The following QSOX2 variants were observed in gnomAD, a reference collection of about 807,000 sequenced individuals.
QSOX2 encodes the protein quiescin sulfhydryl oxidase 2.
A neutral mutation model predicts 61.7 loss-of-function variants in QSOX2; 46 were observed. The ratio of observed to expected loss-of-function variants is 0.75; its 90% CI spans 0.59 to 0.95. The LOEUF (loss-of-function observed/expected upper bound fraction) is 0.95, where lower values mean the gene tolerates loss of function less well. Among genes scored for constraint, QSOX2 ranks in the 40% least tolerant of loss-of-function variants. The pLI, the probability that QSOX2 is intolerant of heterozygous loss-of-function variation, is 0.00. For missense variants in QSOX2, 879 were observed against 918.9 expected (o/e 0.96, Z 0.56); for synonymous variants, 383 against 388.4 (o/e 0.99, Z 0.16).
intron 11 of QSOX2, chr9:136,210,035 G>C (rs1223604010): frequency 2.0e-6 from 2 of 985,310 alleles, no homozygotes; most frequent in Non-Finnish European, 2.4e-6. Context: ...TTGTCTGGGG[G>C]ACTTGAGACG....
chr9:136,222,361 C>T lies in QSOX2; in HGVS notation c.676-420G>A, dbSNP rs1316927005. ...TCGTGCTGCCGCTCCTCCCCAGCCACCCTGCTCCTGTCTGGTTCTGCTCAG... is the reference window on the plus strand; with the variant it reads ...TCGTGCTGCCGCTCCTCCCCAGCCATCCTGCTCCTGTCTGGTTCTGCTCAG... On this transcript the variant is annotated intron_variant, in intron 5 of 11. Coordinates refer to ENST00000358701, the MANE Select transcript of QSOX2 (RefSeq NM_181701.4). The surrounding 1 kb of genome is among the most constrained non-coding windows in gnomAD (Gnocchi z 6.9). Among the ~76,000 whole-genome samples the T allele has an allele frequency of 6.6e-6, 1 of 152,184 alleles. No homozygotes were observed. The highest frequency in any genetic ancestry group is 2.1e-4 in the South Asian group (1 of 4,838).
rs1416752546 is a variant in QSOX2, at chr9:136,224,226, A to G, written c.479-114T>C. Reference sequence around the variant, plus strand: ...CTGGGGCCCAAAGACAGCAGGGTGCAGGTGGCAGCAACATGTGCAATCCCA... The same window carrying G: ...CTGGGGCCCAAAGACAGCAGGGTGCGGGTGGCAGCAACATGTGCAATCCCA... On this transcript the variant is annotated intron_variant, in intron 3 of 11. Coordinates refer to ENST00000358701, the MANE Select transcript of QSOX2 (RefSeq NM_181701.4). 5.3e-6 allele frequency: 4 copies of G among 755,554 alleles called. No individual in the cohort carries two copies. The African/African-American group carries it at 6.9e-5, about 13-fold the overall frequency. The allele number at this position is 755,554 out of a possible 1,614,324, so 46.8% of individuals were successfully genotyped here. A position where few individuals can be genotyped will look rare whatever the true frequency, so the allele number is the denominator to read the frequency against.
intron 1 of QSOX2, 24 bp downstream of exon 1, chr9:136,245,451 GT>G: frequency 6.4e-7 from 1 of 1,568,818 alleles, no homozygotes; most frequent in Non-Finnish European, 8.6e-7. Flanking sequence ...GGGTCGGGGG[GT>G]CCCCGCGCGG....
In QSOX2 at chr9:136,209,032, T is replaced by C; in HGVS notation, c.1793A>G (p.Glu598Gly). The C allele has an allele frequency of 1.2e-6, 2 of 1,614,042 alleles. No homozygotes were observed. ...EEEEKRLTPP[E>G]VSHGDRDTQS... is the part of the protein sequence containing the mutation. ...GGTGTCTCGGTCTCCATGGGACACC[T>C]CTGGGGGAGTGAGTCTTTTCTCCTC... Residue 598 changes from glutamate to glycine, a missense_variant, in exon 12 of 12, where the codon GAG becomes GGG. Physicochemically the swap from Glu to Gly is moderately conservative, Grantham distance 98. Transcript: ENST00000358701. This position sits in a 1 kb window ranked among gnomAD's most constrained non-coding sequence, Gnocchi z 5.6.
rs560355009 is a variant in QSOX2, at chr9:136,222,689, C to CCTGCA, written c.676-753_676-749dup. Among the ~76,000 whole-genome samples the CCTGCA allele has an allele frequency of 4.7e-4, 71 of 152,296 alleles. 1 individual carries two copies. In the East Asian group the frequency reaches 0.011, roughly 23 times the overall value. Reference sequence around the variant, plus strand: ...TGACTCTGTGCTGAAGAGCACTCCTCCTGCACGAGTGGAGCCTGGCTGCCC... The same window carrying CCTGCA: ...TGACTCTGTGCTGAAGAGCACTCCTCCTGCACTGCACGAGTGGAGCCTGGCTGCCC... On this transcript the variant is annotated intron_variant, in intron 5 of 11. Transcript: ENST00000358701. This position sits in a 1 kb window ranked among gnomAD's most constrained non-coding sequence, Gnocchi z 6.9.
intron 1 of QSOX2, among the ~76,000 whole-genome samples, chr9:136,231,781 T>C (rs2131064035): frequency 6.6e-6 from 1 of 152,300 alleles, no homozygotes; most frequent in South Asian, 2.1e-4. Context: ...GGCTGTGGTG[T>C]GAATGTCACC....
intron 1 of QSOX2, among the ~76,000 whole-genome samples, chr9:136,233,206 T>C (rs778485237): frequency 6.6e-6 from 1 of 152,156 alleles, no homozygotes; most frequent in Non-Finnish European, 1.5e-5. Context: ...AGTCTTCTGG[T>C]TGCACGAGAA....
intron 1 of QSOX2, among the ~76,000 whole-genome samples, chr9:136,231,654 G>C (rs1830331222): frequency 6.6e-6 from 1 of 152,218 alleles, no homozygotes; most frequent in Non-Finnish European, 1.5e-5. Context: ...GCCCCTCACA[G>C]CCCCACACTG....
chr9:136,214,196 G>A (rs756516658), intron 10 of QSOX2, among the ~76,000 whole-genome samples: 5 of 152,214 alleles, frequency 3.3e-5, no homozygotes, highest in Non-Finnish European at 5.9e-5. Flanking sequence ...ATACTTTAGT[G>A]TTCTGTGAAG....
At position 136,221,822 on chromosome 9, in the gene QSOX2, T is replaced by C. The variant is rs778412871; in HGVS notation, c.795A>G (p.Pro265=). ...CGTTAATCAATCCATGCGACCCATTTGGGTAGATCAGGTAACACGAAGGGA... is the reference window on the plus strand; with the variant it reads ...CGTTAATCAATCCATGCGACCCATTCGGGTAGATCAGGTAACACGAAGGGA... ...SSVPSCYLIY[P]NGSHGLINVV... Residue 265 remains proline (P), a synonymous_variant, in exon 6 of 12, where the codon CCA becomes CCG. Coordinates refer to ENST00000358701, the MANE Select transcript of QSOX2 (RefSeq NM_181701.4). The surrounding 1 kb of genome is among the most constrained non-coding windows in gnomAD (Gnocchi z 4.5). The C allele has an allele frequency of 1.2e-6, 2 of 1,611,276 alleles. No homozygotes were observed. Among genetic ancestry groups the C allele is most frequent in the Admixed American group, 3.4e-5 (2 of 59,560 alleles).
At chr9:136,220,018 T>A (rs1264347758) in intron 6 of QSOX2, among the ~76,000 whole-genome samples, 1 of 152,174 alleles carries the variant, frequency 6.6e-6, no homozygotes, top group Non-Finnish European at 1.5e-5. Flanking sequence ...TCCAGCTTTA[T>A]CTTTTGTATT....
intron 10 of QSOX2, 36 bp downstream of exon 10, chr9:136,215,118 C>T: frequency 7.5e-6 from 12 of 1,600,284 alleles, no homozygotes; most frequent in Non-Finnish European, 1.0e-5. Context: ...GTTAGGCAGA[C>T]CATCGGCCCC....
intron 11 of QSOX2, among the ~76,000 whole-genome samples, 154 bp downstream of exon 11, chr9:136,211,110 C>G (rs968941465): frequency 6.6e-6 from 1 of 152,222 alleles, no homozygotes; most frequent in Non-Finnish European, 1.5e-5. Flanking sequence ...TGGCAGCTCT[C>G]AGCCACCCAA....
chr9:136,230,020 C>A (rs1017572825), intron 1 of QSOX2, among the ~76,000 whole-genome samples: 7 of 152,230 alleles, frequency 4.6e-5, no homozygotes, highest in Non-Finnish European at 8.8e-5. Context: ...GTGGCTCACG[C>A]CTGTAATCCT....
chr9:136,245,670 A>ACCG lies in QSOX2; in HGVS notation c.131_133dup (p.Ala44dup), dbSNP rs1232424403. On this transcript the variant is annotated inframe_insertion, in exon 1 of 12. Transcript: ENST00000358701. ...CGCCGCACCGCCCGCGCCCGGCCCC[A>ACCG]CCGCCGCCGCCGCTAGCAGCACTAG... The ACCG allele has an allele frequency of 1.1e-5, 13 of 1,210,906 alleles. No homozygotes were observed. The highest frequency in any genetic ancestry group is 6.3e-4 in the Middle Eastern group (2 of 3,154). 75.0% of individuals were successfully genotyped at this position (1,210,906 alleles called of 1,614,324 possible).
chr9:136,224,927 G>A lies in QSOX2; in HGVS notation c.430-18C>T, dbSNP rs1440756312. The A allele has an allele frequency of 1.9e-6, 3 of 1,594,460 alleles. No homozygotes were observed. In the Admixed American group the frequency reaches 5.2e-5, roughly 28 times the overall value. ...TTAAAATACTAAGAGGAAAAACACA[G>A]AACAAGTAAGAGGCAGCCTTCCATG... On this transcript the variant is annotated intron_variant, in intron 2 of 11. Transcript: ENST00000358701.
chr9:136,224,639 A>T (rs1254024226), intron 3 of QSOX2, among the ~76,000 whole-genome samples: 1 of 152,222 alleles, frequency 6.6e-6, no homozygotes, highest in Non-Finnish European at 1.5e-5. Context: ...TTACTCTGAA[A>T]AAGTTTTTAC....
intron 3 of QSOX2, among the ~76,000 whole-genome samples, chr9:136,224,361 A>T (rs1238418297): frequency 6.6e-6 from 1 of 152,204 alleles, no homozygotes; most frequent in Non-Finnish European, 1.5e-5. Context: ...GGGACAGGCA[A>T]CAGAGGCAGA....
At chr9:136,242,784 C>T (rs1012593269) in intron 1 of QSOX2, among the ~76,000 whole-genome samples, 2 of 152,250 alleles carry the variant, frequency 1.3e-5, no homozygotes, top group African/African-American at 4.8e-5. Flanking sequence ...AGCCTTAGAA[C>T]AGCTCCGGGG....
Sources: allele counts gnomAD v4.1 joint callset (sites outside exome capture counted in the v4.1 genomes callset), GRCh38; gene constraint gnomAD v4.1.1; non-coding constraint Gnocchi (gnomAD v3.1); transcripts MANE v1.5; gene names NCBI Gene and HGNC (gene_info 2026-07-23, HGNC 2026-07-21).